The following GAB2 variants were observed in gnomAD, a reference collection of about 807,000 sequenced individuals.
GAB2 encodes GRB2 associated binding protein 2.
Under a neutral mutation model 65.5 loss-of-function variants are expected in GAB2, and 26 were observed. The observed-to-expected ratio is 0.40, with a 90% CI of 0.29 to 0.55. GAB2 has a LOEUF of 0.55. GAB2 is among the 20% of genes least tolerant of loss of function. The pLI is 0.53. For synonymous variants in GAB2, 321 were observed against 329.6 expected, an observed-to-expected ratio of 0.97 and a Z score of 0.28; for missense variants, 884 against 875.8, an observed-to-expected ratio of 1.01 and a Z score of -0.12.
At chr11:78,363,460 C>G (rs1291351192) in intron 1 of GAB2, among the ~76,000 whole-genome samples, 1 of 152,186 alleles carries the variant, frequency 6.6e-6, no homozygotes, top group African/African-American at 2.4e-5. Flanking sequence ...TGTATTCTCT[C>G]CAACATCTAT....
At position 78,351,707 on chromosome 11, in the gene GAB2, A is replaced by G. The variant is rs558885076; in HGVS notation, c.75+65939T>C. Among the ~76,000 whole-genome samples the G allele has an allele frequency of 5.3e-5, 8 of 152,250 alleles. No individual in the cohort carries two copies. The East Asian group carries it at 1.5e-3, about 29-fold the overall frequency. On this transcript the variant is annotated intron_variant, in intron 1 of 9. Coordinates refer to ENST00000361507, the MANE Select transcript of GAB2 (RefSeq NM_080491.3). Reference sequence around the variant, plus strand: ...CTAAAGCATACTGCTGGGAGAAGACAAGCAGGGAGCTAGGTAAGTAGATAG... The same window carrying G: ...CTAAAGCATACTGCTGGGAGAAGACGAGCAGGGAGCTAGGTAAGTAGATAG...
At chr11:78,263,264 C>T (rs891659891) in intron 2 of GAB2, among the ~76,000 whole-genome samples, 1 of 152,100 alleles carries the variant, frequency 6.6e-6, no homozygotes, top group African/African-American at 2.4e-5. Flanking sequence ...TTATAAGAAA[C>T]CATATTCCTT....
rs528634778 is a variant in GAB2 at position 78,300,292 on chromosome 11, T to C, written c.76-19391A>G. On this transcript the variant is annotated intron_variant, in intron 1 of 9. Transcript: ENST00000361507. ...CTCATATTGCTGCATGTATCAGTAGTTTAAAAAATTGCTGAGTAGTGTATG... is the reference window on the plus strand; with the variant it reads ...CTCATATTGCTGCATGTATCAGTAGCTTAAAAAATTGCTGAGTAGTGTATG... Among the ~76,000 whole-genome samples the C allele has an allele frequency of 1.2e-3, 170 of 140,580 alleles. 7 individuals are homozygous for C. Among genetic ancestry groups the C allele is most frequent in the African/African-American group, 5.2e-3 (160 of 30,530 alleles). 92.2% of individuals were successfully genotyped at this position (140,580 alleles called of 152,430 possible). A position where few individuals can be genotyped will look rare whatever the true frequency, so the allele number is the denominator to read the frequency against.
Position 78,309,971 on chromosome 11 carries a change from TGC to T in GAB2, c.76-29072_76-29071del, listed in dbSNP as rs1330078501. On this transcript the variant is annotated intron_variant, in intron 1 of 9. Transcript: ENST00000361507. Reference sequence around the variant, plus strand: ...GTGTGTGTGTGTGTGTGTGTGTGTGTGCGCGCGCGCCTGTGTGTGTGGTGGTG... The same window carrying T: ...GTGTGTGTGTGTGTGTGTGTGTGTGTGCGCGCGCCTGTGTGTGTGGTGGTG... 3.0e-3 allele frequency among the ~76,000 whole-genome samples: 361 copies of T among 120,152 alleles called. 1 individual carries two copies. Among genetic ancestry groups the T allele is most frequent in the African/African-American group, 0.012 (346 of 28,060 alleles). 78.8% of individuals were successfully genotyped at this position (120,152 alleles called of 152,430 possible). A position where few individuals can be genotyped will look rare whatever the true frequency, so the allele number is the denominator to read the frequency against.
rs149938517 is a variant in GAB2 at position 78,341,830 on chromosome 11, G to A, written c.76-60929C>T. ...TATTGCTAGCCTCGCCTTTGTCTCA[G>A]TTACTCCTCTCTTCAGGGATCTTCT... On this transcript the variant is annotated intron_variant, in intron 1 of 9. Coordinates refer to ENST00000361507, the MANE Select transcript of GAB2 (RefSeq NM_080491.3). The A allele has an allele frequency of 1.1e-3, 1,093 of 985,176 alleles. 1 individual carries two copies. Among genetic ancestry groups the A allele is most frequent in the Non-Finnish European group, 1.3e-3 (1,057 of 828,896 alleles). 61.0% of individuals were successfully genotyped at this position (985,176 alleles called of 1,614,324 possible).
intron 1 of GAB2, among the ~76,000 whole-genome samples, chr11:78,402,225 T>G (rs565009841): frequency 6.6e-6 from 1 of 152,042 alleles, no homozygotes; most frequent in Non-Finnish European, 1.5e-5. Flanking sequence ...CTCTTAGTGG[T>G]CCCTCTACCT....
chr11:78,230,405 C>G (rs1206016661), intron 3 of GAB2, among the ~76,000 whole-genome samples: 2 of 152,226 alleles, frequency 1.3e-5, no homozygotes, highest in Non-Finnish European at 2.9e-5. Flanking sequence ...ACATCAACAC[C>G]TTACACAAAG....
intron 1 of GAB2, among the ~76,000 whole-genome samples, chr11:78,320,269 T>A (rs1855697928): frequency 6.6e-6 from 1 of 152,210 alleles, no homozygotes; most frequent in Non-Finnish European, 1.5e-5. Context: ...GCTCTTTGGC[T>A]CAAGCAATCT....
intron 1 of GAB2, among the ~76,000 whole-genome samples, chr11:78,289,295 A>T (rs1554983916): frequency 6.6e-6 from 1 of 152,240 alleles, no homozygotes; most frequent in Non-Finnish European, 1.5e-5. Flanking sequence ...GTGCCAAAGC[A>T]ATCAAGCATC....
chr11:78,340,156 G>A (rs891618380), intron 1 of GAB2, among the ~76,000 whole-genome samples: 2 of 152,118 alleles, frequency 1.3e-5, no homozygotes, highest in East Asian at 1.9e-4. Context: ...TACCAAGCTC[G>A]GTTTTCCTAG....
In GAB2 at chr11:78,382,181, T is replaced by C. The variant is rs552308098; in HGVS notation, c.75+35465A>G. 3.3e-5 allele frequency among the ~76,000 whole-genome samples: 5 copies of C among 152,280 alleles called. No homozygotes were observed. The South Asian group carries it at 8.3e-4, about 25-fold the overall frequency. ...AGCTGTACCCTCCTCTGTGCTCTCA[T>C]GGCACTTTGTTTATGTCGGAATTGC... is the stretch of plus-strand genomic sequence containing the variant. On this transcript the variant is annotated intron_variant, in intron 1 of 9. Transcript: ENST00000361507.
intron 1 of GAB2, among the ~76,000 whole-genome samples, chr11:78,291,894 A>G (rs1183437150): frequency 1.3e-5 from 2 of 152,026 alleles, no homozygotes; most frequent in African/African-American, 2.4e-5. Context: ...AGAAAACATG[A>G]TATGGTAACA....
intron 3 of GAB2, among the ~76,000 whole-genome samples, chr11:78,235,422 G>A (rs528703841): frequency 5.9e-5 from 9 of 152,216 alleles, no homozygotes; most frequent in Admixed American, 1.3e-4. Context: ...AAAGTGCTTG[G>A]ATTACAGGCT....
intron 6 of GAB2, among the ~76,000 whole-genome samples, chr11:78,222,405 T>G (rs1864473435): frequency 6.6e-6 from 1 of 152,032 alleles, no homozygotes; most frequent in African/African-American, 2.4e-5. Flanking sequence ...TATATATTCT[T>G]TCTGCTGTAT....
chr11:78,266,240 CAT>C (rs1340740576), intron 2 of GAB2, among the ~76,000 whole-genome samples: 2 of 64,426 alleles, frequency 3.1e-5, no homozygotes, highest in Admixed American at 3.2e-4. Flanking sequence ...AAAAAAAAAT[CAT>C]GTGGATATTT....
At chr11:78,338,323 T>G (rs1454482509) in intron 1 of GAB2, among the ~76,000 whole-genome samples, 1 of 152,190 alleles carries the variant, frequency 6.6e-6, no homozygotes, top group Non-Finnish European at 1.5e-5. Context: ...TAATAAGACA[T>G]AAGTAGAAAT....
intron 1 of GAB2, among the ~76,000 whole-genome samples, chr11:78,327,728 A>T (rs1162681215): frequency 3.9e-5 from 6 of 152,182 alleles, no homozygotes; most frequent in African/African-American, 1.4e-4. Context: ...GAAAATAATA[A>T]TACATTTAAA....
intron 1 of GAB2, among the ~76,000 whole-genome samples, chr11:78,295,822 A>T (rs983943658): frequency 2.0e-5 from 3 of 152,188 alleles, no homozygotes; most frequent in African/African-American, 7.2e-5. Context: ...ACTTTCAGGA[A>T]AAGAGAGTAA....
chr11:78,291,569 T>TTC (rs1866681431), intron 1 of GAB2, among the ~76,000 whole-genome samples: 1 of 114,242 alleles, frequency 8.8e-6, no homozygotes, highest in South Asian at 3.2e-4. Flanking sequence ...TTCTTTTTTT[T>TTC]TTTTTTTTTT....
Sources: gnomAD v4.1 joint callset for allele counts (sites outside exome capture counted in the v4.1 genomes callset) on GRCh38, gnomAD v4.1.1 for gene constraint, MANE v1.5 for transcripts, NCBI Gene and HGNC (gene_info 2026-07-23, HGNC 2026-07-21) for gene names.